The following PPIP5K1 variants were observed in gnomAD, a reference collection of about 807,000 sequenced individuals.
PPIP5K1 encodes diphosphoinositol pentakisphosphate kinase 1.
Under a neutral mutation model 27.7 loss-of-function variants are expected in PPIP5K1, and 6 were observed. That is an observed-to-expected ratio of 0.22 (90% CI 0.12 to 0.43). The LOEUF (loss-of-function observed/expected upper bound fraction) is 0.43, where lower values mean the gene tolerates loss of function less well. PPIP5K1 is among the 20% of genes least tolerant of loss of function. The pLI, the probability that PPIP5K1 is intolerant of heterozygous loss-of-function variation, is 1.00. For synonymous variants in PPIP5K1, 145 were observed against 242.6 expected, an observed-to-expected ratio of 0.60 and a Z score of 3.74; for missense variants, 394 against 635.4, an observed-to-expected ratio of 0.62 and a Z score of 4.08.
chr15:43,543,491 A>G (rs1271797236), intron 30 of PPIP5K1, among the ~76,000 whole-genome samples: 1 of 152,098 alleles, frequency 6.6e-6, no homozygotes, highest in Non-Finnish European at 1.5e-5. Context: ...AAAGCTTTAA[A>G]AAAACCCTGC....
At chr15:43,553,737 C>T (rs1195581515) in intron 30 of PPIP5K1, among the ~76,000 whole-genome samples, 4 of 151,768 alleles carry the variant, frequency 2.6e-5, no homozygotes, top group African/African-American at 9.7e-5. Context: ...CTCCACCTCC[C>T]GGGTTCATGC....
chr15:43,534,760 C>A lies in PPIP5K1; in HGVS notation c.4387G>T (p.Gly1463Cys). Residue 1463 changes from glycine (G) to cysteine (C), a missense_variant, in exon 32 of 32, where the codon GGC becomes TGC. Physicochemically the swap from Gly to Cys is radical, Grantham distance 159. This residue lies in a region of PPIP5K1 where 379 missense variants were observed against 423.9 expected (regional missense o/e 0.89). Coordinates refer to ENST00000420765, the MANE Select transcript of PPIP5K1 (RefSeq NM_001394395.1). ...ETSAINLLSQGIPEIDKPSQE... is the reference protein window; with the variant it reads ...ETSAINLLSQCIPEIDKPSQE... Reference sequence around the variant, plus strand: ...GATGGTTTATCAATCTCAGGGATGCCCTGAGATAACAGATTGATCGCAGAA... The same window carrying A: ...GATGGTTTATCAATCTCAGGGATGCACTGAGATAACAGATTGATCGCAGAA... 1 of 1,564,028 alleles carries A rather than the reference C, an allele frequency of 6.4e-7. No individual in the cohort carries two copies.
At chr15:43,557,507 A>G (rs1180739595) in intron 30 of PPIP5K1, among the ~76,000 whole-genome samples, 1 of 152,150 alleles carries the variant, frequency 6.6e-6, no homozygotes, top group East Asian at 1.9e-4. Flanking sequence ...AGGCAGGAGG[A>G]TCGTTTGAGC....
chr15:43,548,417 T>C (rs1034984161), intron 30 of PPIP5K1: 1 of 151,860 alleles, frequency 6.6e-6, no homozygotes, highest in Non-Finnish European at 1.5e-5. Flanking sequence ...TTTTTTTTTT[T>C]CTTTTAATTT....
At chr15:43,556,734 G>A (rs1291796062) in intron 30 of PPIP5K1, among the ~76,000 whole-genome samples, 2 of 152,144 alleles carry the variant, frequency 1.3e-5, no homozygotes, top group African/African-American at 4.8e-5. Flanking sequence ...AATTCTTTGA[G>A]AATAAGGTCT....
chr15:43,559,647 G>C (rs1341506840), intron 29 of PPIP5K1, among the ~76,000 whole-genome samples: 3 of 151,844 alleles, frequency 2.0e-5, no homozygotes, highest in Non-Finnish European at 4.4e-5. Flanking sequence ...AAATGCCCTA[G>C]AAAAAAGAAA....
Position 43,535,451 on chromosome 15 carries a change from C to A in PPIP5K1, c.3696G>T (p.Val1232=). ...TAGGGGAAGAAGGACCAGCACTGGACACAGTGCTAGAAGGGCCACTGCTGT... is the reference window on the plus strand; with the variant it reads ...TAGGGGAAGAAGGACCAGCACTGGAAACAGTGCTAGAAGGGCCACTGCTGT... ...PWYSSGPSST[V]SSAGPSSPTT... is the part of the protein sequence containing the mutation. Residue 1232 remains valine (V), a synonymous_variant, in exon 32 of 32, where the codon GTG becomes GTT. Coordinates refer to ENST00000420765, the MANE Select transcript of PPIP5K1 (RefSeq NM_001394395.1). The A allele has an allele frequency of 6.3e-7, 1 of 1,596,056 alleles. No individual in the cohort carries two copies. The highest frequency in any genetic ancestry group is 1.7e-5 in the Admixed American group (1 of 57,210).
intron 23 of PPIP5K1, 68 bp downstream of exon 23, chr15:43,572,701 G>GTTTT: frequency 8.4e-6 from 4 of 475,608 alleles, no homozygotes; most frequent in East Asian, 3.9e-5. Flanking sequence ...GGATAAGCAA[G>GTTTT]TTTTTTTTTT....
rs946617492 is a variant in PPIP5K1 at position 43,538,357 on chromosome 15, G to C, written c.3670+1113C>G. 3.3e-5 allele frequency among the ~76,000 whole-genome samples: 5 copies of C among 152,204 alleles called. No individual in the cohort carries two copies. The South Asian group carries it at 1.0e-3, about 31-fold the overall frequency. ...TATAGTCACTCTAACAACTCTGTGT[G>C]GCTCCACTGTTCACATTGTTACCAA... On this transcript the variant is annotated intron_variant, in intron 31 of 31. Transcript: ENST00000420765.
intron 30 of PPIP5K1, among the ~76,000 whole-genome samples, chr15:43,540,696 CAAAA>C (rs879456184): frequency 7.9e-6 from 1 of 127,300 alleles, no homozygotes. Context: ...GACTCTGTCT[CAAAA>C]AAAAAAAAAA....
In PPIP5K1 at chr15:43,534,904, C is replaced by G. The variant is rs1486752156; in HGVS notation, c.4243G>C (p.Gly1415Arg). 4.3e-6 allele frequency: 7 copies of G among 1,614,010 alleles called. No individual in the cohort carries two copies. Among genetic ancestry groups the G allele is most frequent in the Non-Finnish European group, 5.9e-6 (7 of 1,180,018 alleles). ...ACAAGGGTTTCCTGGACCAAGCTAC[C>G]AACCCCTACATGGAACTTATGGACC... ...KLVHKFHVGV[G>R]SLVQETLVEV... The change falls in exon 32 of 32, where the codon GGT (glycine) becomes CGT (arginine). Residue 1415 changes from glycine to arginine, a missense_variant. By Grantham distance (125) the Gly-to-Arg change is moderately radical (BLOSUM62 -2). Transcript: ENST00000420765.
chr15:43,547,434 T>A (rs1338728439), intron 30 of PPIP5K1, among the ~76,000 whole-genome samples: 4 of 152,246 alleles, frequency 2.6e-5, no homozygotes, highest in Non-Finnish European at 5.9e-5. Context: ...ATTGCCAAAT[T>A]TAAGGTCATT....
chr15:43,541,405 C>T (rs1424438979), intron 30 of PPIP5K1, among the ~76,000 whole-genome samples: 1 of 152,030 alleles, frequency 6.6e-6, no homozygotes, highest in Non-Finnish European at 1.5e-5. Context: ...GAGCCACCAT[C>T]CCCAGCCCAT....
At chr15:43,557,234 G>A (rs1255682253) in intron 30 of PPIP5K1, among the ~76,000 whole-genome samples, 2 of 152,104 alleles carry the variant, frequency 1.3e-5, no homozygotes. Context: ...ATCACCTGAG[G>A]TCAGGAGTTC....
intron 28 of PPIP5K1, among the ~76,000 whole-genome samples, chr15:43,561,041 T>TCACTCA (rs761177637): frequency 7.4e-5 from 9 of 122,046 alleles, no homozygotes; most frequent in East Asian, 2.4e-4. Context: ...AATGAAAAAG[T>TCACTCA]GATGGTATTG....
chr15:43,544,674 T>C (rs999049098), intron 30 of PPIP5K1, among the ~76,000 whole-genome samples: 1 of 152,182 alleles, frequency 6.6e-6, no homozygotes, highest in Non-Finnish European at 1.5e-5. Flanking sequence ...CACATGCCTG[T>C]AGTCCCAGCT....
chr15:43,551,634 G>A (rs1172516798), intron 30 of PPIP5K1, among the ~76,000 whole-genome samples: 2 of 63,456 alleles, frequency 3.2e-5, no homozygotes, highest in East Asian at 4.7e-4. Context: ...ACGGAGTCTC[G>A]CTCTGTCGCC....
At chr15:43,542,435 G>T (rs1244901781) in intron 30 of PPIP5K1, among the ~76,000 whole-genome samples, 1 of 151,710 alleles carries the variant, frequency 6.6e-6, no homozygotes, top group Non-Finnish European at 1.5e-5. Flanking sequence ...CAGACTACAG[G>T]CGCATAGCAC....
Position 43,539,524 on chromosome 15 carries a change from T to G in PPIP5K1, c.3616A>C (p.Thr1206Pro). 1 of 1,610,236 alleles carries G rather than the reference T, an allele frequency of 6.2e-7. No individual in the cohort carries two copies. The highest frequency in any genetic ancestry group is 8.5e-7 in the Non-Finnish European group (1 of 1,178,244). ...AGTTGCAGGGGAGGTGAATGAAGAG[T>G]ACGTGGTGGAGAAAATGGGTTATCT... ...ASDNPFSPPR[T>P]LHSPPLQLQQ... is the part of the protein sequence containing the mutation. The change falls in exon 31 of 32, where the codon ACT (threonine) becomes CCT (proline). Residue 1206 changes from threonine to proline, a missense_variant. Physicochemically the swap from Thr to Pro is conservative, Grantham distance 38. Around this residue, in one of 4 missense-constraint regions of PPIP5K1, gnomAD observed 379 missense variants for 423.9 expected, o/e 0.89. Transcript: ENST00000420765.
Sources: allele counts gnomAD v4.1 joint callset (sites outside exome capture counted in the v4.1 genomes callset), GRCh38; gene constraint gnomAD v4.1.1; regional missense constraint gnomAD v4.1.1; transcripts MANE v1.5; gene names NCBI Gene and HGNC (gene_info 2026-07-23, HGNC 2026-07-21).